The following FNDC5 variants were observed in gnomAD, a reference collection of about 807,000 sequenced individuals.
FNDC5 encodes the protein fibronectin type III domain containing 5, also known as fibronectin type III domain-containing protein 5.
FNDC5 carries 10 observed loss-of-function variants against 24.6 expected under a neutral mutation model. The observed-to-expected ratio is 0.41, with a 90% confidence interval of 0.25 to 0.69. The LOEUF is 0.69. Among genes scored for constraint, FNDC5 ranks in the 30% least tolerant of loss-of-function variants. The pLI, the probability that FNDC5 is intolerant of heterozygous loss-of-function variation, is 0.34. For missense variants in FNDC5, 226 were observed against 282.9 expected (o/e 0.80, Z 1.44); for synonymous variants, 90 against 110.7 (o/e 0.81, Z 1.18).
rs1354321093 is a variant in FNDC5 at position 32,864,752 on chromosome 1, T to C, written c.545A>G (p.Asn182Ser). 2 of 1,614,208 alleles carry C rather than the reference T, an allele frequency of 1.2e-6. No homozygotes were observed. Among genetic ancestry groups the C allele is most frequent in the South Asian group, 2.2e-5 (2 of 91,080 alleles). Residue 182 changes from asparagine (N) to serine (S), a missense_variant, in exon 5 of 6, where the codon AAT (asparagine) becomes AGT (serine). Physicochemically the swap from Asn to Ser is conservative, Grantham distance 46. Transcript: ENST00000373471. ...TTTTTCCTTGTTGTTATTGGGTTCA[T>C]TGTCCTTGATGATGTCATACTGGCG...
intron 1 of FNDC5, among the ~76,000 whole-genome samples, chr1:32,870,185 C>A (rs1641152777): frequency 6.6e-6 from 1 of 152,062 alleles, no homozygotes; most frequent in Non-Finnish European, 1.5e-5. Flanking sequence ...CCGGGGCCCA[C>A]CCCACGCCCT....
chr1:32,863,852 A>G lies in FNDC5; in HGVS notation c.*442T>C. 1 of 1,307,128 alleles carries G rather than the reference A, an allele frequency of 7.7e-7. No individual in the cohort carries two copies. The highest frequency in any genetic ancestry group is 2.3e-5 in the Admixed American group (1 of 43,644). The allele number at this position is 1,307,128 out of a possible 1,614,324, so 81.0% of individuals were successfully genotyped here. On this transcript the variant is annotated 3_prime_UTR_variant, in exon 6 of 6. Coordinates refer to ENST00000373471, the MANE Select transcript of FNDC5 (RefSeq NM_153756.3). ...TCTTGCAAGGCTGGAAACAGGACAGAAGAAGGAAGGGAGCAGCAGCAGGGC... is the reference window on the plus strand; with the variant it reads ...TCTTGCAAGGCTGGAAACAGGACAGGAGAAGGAAGGGAGCAGCAGCAGGGC...
chr1:32,864,203 T>C lies in FNDC5; in HGVS notation c.*91A>G. On this transcript the variant is annotated 3_prime_UTR_variant, in exon 6 of 6. Transcript: ENST00000373471. Reference sequence around the variant, plus strand: ...AGAGATGTAGAGAGGGCCAGATGTTTGTTGGATAATCATCATCAGAACCAT... The same window carrying C: ...AGAGATGTAGAGAGGGCCAGATGTTCGTTGGATAATCATCATCAGAACCAT... The C allele has an allele frequency of 6.2e-7, 1 of 1,613,030 alleles. No individual in the cohort carries two copies. The highest frequency in any genetic ancestry group is 8.5e-7 in the Non-Finnish European group (1 of 1,179,316).
At chr1:32,869,678 C>T (rs1258224777) in intron 1 of FNDC5, among the ~76,000 whole-genome samples, 1 of 151,682 alleles carries the variant, frequency 6.6e-6, no homozygotes. Flanking sequence ...GAGGAGAGAA[C>T]AGGTAGGGGA....
intron 4 of FNDC5, among the ~76,000 whole-genome samples, chr1:32,867,189 A>G (rs1395447449): frequency 1.3e-5 from 2 of 152,202 alleles, no homozygotes; most frequent in African/African-American, 4.8e-5. Flanking sequence ...AACTAACACA[A>G]GGGCTAAAGA....
intron 5 of FNDC5, 73 bp downstream of exon 5, chr1:32,864,591 C>T: frequency 6.2e-7 from 1 of 1,605,000 alleles, no homozygotes; most frequent in Admixed American, 1.7e-5. Flanking sequence ...CCGAGCTGAC[C>T]CCCTCTGCAG....
rs41265869 is a variant in FNDC5 at position 32,863,381 on chromosome 1, G to C, written c.*913C>G. 28 of 199,508 alleles carry C rather than the reference G, an allele frequency of 1.4e-4. No homozygotes were observed. Among genetic ancestry groups the C allele is most frequent in the African/African-American group, 5.9e-4 (26 of 43,718 alleles). The allele number at this position is 199,508 out of a possible 1,614,324, so 12.4% of individuals were successfully genotyped here. On this transcript the variant is annotated 3_prime_UTR_variant, in exon 6 of 6. Transcript: ENST00000373471. ...CCCCACAGCTTCTCTGATGTTCCTT[G>C]GTCTGAAAGACACAGCTTGAGTCAG...
chr1:32,871,995 T>A (rs1383789463), upstream of FNDC5, among the ~76,000 whole-genome samples: 1 of 152,192 alleles, frequency 6.6e-6, no homozygotes, highest in Non-Finnish European at 1.5e-5. Flanking sequence ...GGCATTCCTT[T>A]GGGTCTTAAA....
Position 32,868,769 on chromosome 1 carries a change from C to T in FNDC5, c.210+113G>A. On this transcript the variant is annotated intron_variant, in intron 2 of 5. Transcript: ENST00000373471. The surrounding 1 kb of genome is among the most constrained non-coding windows in gnomAD (Gnocchi z 4.8). ...CAAATTGCTGTTCATCTCCCTTGCC[C>T]CAAGTTCCTATTTCCTTTCTATTTC... 1.3e-5 allele frequency: 10 copies of T among 780,398 alleles called. No homozygotes were observed. The highest frequency in any genetic ancestry group is 1.8e-5 in the Non-Finnish European group (10 of 559,114). The allele number at this position is 780,398 out of a possible 1,614,324, so 48.3% of individuals were successfully genotyped here.
chr1:32,865,266 A>G (rs1035301917), intron 4 of FNDC5, among the ~76,000 whole-genome samples: 3 of 151,522 alleles, frequency 2.0e-5, no homozygotes, highest in Non-Finnish European at 2.9e-5. Context: ...CGTCCGGCTA[A>G]TTTTGTATTT....
At chr1:32,864,943 G>GT (rs1641042407) in intron 4 of FNDC5, 146 bp from the exon 5 acceptor site, 1 of 1,225,852 alleles carries the variant, frequency 8.2e-7, no homozygotes, top group African/African-American at 1.5e-5. Flanking sequence ...TCTGGCTCCT[G>GT]TTTTCACCTG....
intron 3 of FNDC5, 81 bp from the exon 4 acceptor site, chr1:32,867,923 C>CTGATT: frequency 1.5e-6 from 2 of 1,375,030 alleles, no homozygotes; most frequent in Middle Eastern, 1.8e-4. Context: ...GACAACAGTG[C>CTGATT]TGATTTCTAC....
Position 32,863,551 on chromosome 1 carries a change from T to A in FNDC5, c.*743A>T, listed in dbSNP as rs559443224. 3.8e-3 allele frequency: 1,890 copies of A among 496,486 alleles called. 24 individuals are homozygous for A. Among genetic ancestry groups the A allele is most frequent in the South Asian group, 0.02 (978 of 48,526 alleles). The allele number at this position is 496,486 out of a possible 1,614,324, so 30.8% of individuals were successfully genotyped here. On this transcript the variant is annotated 3_prime_UTR_variant, in exon 6 of 6. Transcript: ENST00000373471. ...CAGGCCTTTTAGTTTTGTGGCTTAT[T>A]TTTATTTTTTTGCAGAATTTGGGTT...
chr1:32,872,128 A>G (rs1641193576), upstream of FNDC5, among the ~76,000 whole-genome samples: 1 of 152,162 alleles, frequency 6.6e-6, no homozygotes, highest in South Asian at 2.1e-4. Flanking sequence ...TAAGGAAGTG[A>G]GGTCTACCGA....
In FNDC5 at chr1:32,868,525, C is replaced by T; in HGVS notation, c.211-137G>A. 1 of 1,052,014 alleles carries T rather than the reference C, an allele frequency of 9.5e-7. No individual in the cohort carries two copies. The highest frequency in any genetic ancestry group is 2.6e-5 in the East Asian group (1 of 38,304). The allele number at this position is 1,052,014 out of a possible 1,614,324, so 65.2% of individuals were successfully genotyped here. ...CTCCGCTATCAATATCTCCATTTTA[C>T]AGGGAAGGAAACAGGTTCAGAGAGG... is the stretch of plus-strand genomic sequence containing the variant. On this transcript the variant is annotated intron_variant, in intron 2 of 5. Coordinates refer to ENST00000373471, the MANE Select transcript of FNDC5 (RefSeq NM_153756.3). This position sits in a 1 kb window ranked among gnomAD's most constrained non-coding sequence, Gnocchi z 4.8.
chr1:32,867,988 G>T, intron 3 of FNDC5, 146 bp from the exon 4 acceptor site: 1 of 1,002,690 alleles, frequency 1.0e-6, no homozygotes, highest in Non-Finnish European at 1.5e-6. Context: ...TACTTGGGGT[G>T]GCAGTGATAG....
chr1:32,867,607 A>T, intron 4 of FNDC5, 146 bp downstream of exon 4: 1 of 686,870 alleles, frequency 1.5e-6, no homozygotes, highest in Non-Finnish European at 2.4e-6. Flanking sequence ...TCTGTTTCCC[A>T]GAACTGTCGT....
At chr1:32,872,191 AC>A (rs1285761396), upstream of FNDC5, among the ~76,000 whole-genome samples, 2 of 151,838 alleles carry the variant, frequency 1.3e-5, no homozygotes, top group African/African-American at 4.8e-5. Flanking sequence ...GCGATAGACA[AC>A]CCTCCTCTCC....
chr1:32,871,023 C>A, upstream of FNDC5: 1 of 149,840 alleles, frequency 6.7e-6, no homozygotes, highest in Non-Finnish European at 1.5e-5. Flanking sequence ...AGGGCGCCCC[C>A]ACTCCCGCCC....
Sources: allele counts gnomAD v4.1 joint callset (sites outside exome capture counted in the v4.1 genomes callset), GRCh38; gene constraint gnomAD v4.1.1; non-coding constraint Gnocchi (gnomAD v3.1); transcripts MANE v1.5; gene names NCBI Gene and HGNC (gene_info 2026-07-23, HGNC 2026-07-21).